Variants in SPON1 observed in about 807,000 individuals in gnomAD.
SPON1 encodes the protein spondin-1.
In SPON1, 52 loss-of-function variants were observed where a neutral mutation model predicts 111.7. The ratio of observed to expected loss-of-function variants is 0.47; its 90% CI spans 0.37 to 0.59. SPON1 has a LOEUF of 0.59. Ranked by LOEUF, SPON1 falls within the 20% of genes least tolerant of loss-of-function variation. The pLI is 0.00. For synonymous variants in SPON1, 410 were observed against 395.8 expected (o/e 1.04, Z -0.43); for missense variants, 957 against 1,068.5 (o/e 0.90, Z 1.46).
In SPON1 at chr11:14,265,540, A is replaced by G. The variant is rs536626564; in HGVS notation, c.2277A>G (p.Pro759=). 3.8e-5 allele frequency: 62 copies of G among 1,613,444 alleles called. No homozygotes were observed. The East Asian group carries it at 1.0e-3, about 26-fold the overall frequency. The change falls in exon 16 of 16, where the codon CCA becomes CCG. Residue 759 remains proline, a synonymous_variant. Coordinates refer to ENST00000576479, the MANE Select transcript of SPON1 (RefSeq NM_006108.4). ...TGCTTTCAGGTTGTAGGATGCGCCC[A>G]TGGACGGCCTGGTCAGAATGCACCA... ...GEQFPGCRMR[P]WTAWSECTKL...
chr11:13,986,726 CCG>C (rs2133783957), intron 2 of SPON1, among the ~76,000 whole-genome samples: 1 of 152,182 alleles, frequency 6.6e-6, no homozygotes, highest in East Asian at 1.9e-4. Context: ...CCCCGACCCC[CCG>C]ACAGACCCTG....
rs571515497 is a variant in SPON1 at position 13,969,085 on chromosome 11, A to C, written c.238+5943A>C. ...CATATAAACTGATGTTCCTGCTAAG[A>C]ATCAGCAGAGGAAGCCAGATGCAGT... On this transcript the variant is annotated intron_variant, in intron 1 of 15. Transcript: ENST00000576479. Among the ~76,000 whole-genome samples the C allele has an allele frequency of 4.6e-5, 7 of 152,270 alleles. No homozygotes were observed. The South Asian group carries it at 1.5e-3, about 32-fold the overall frequency.
intron 6 of SPON1, among the ~76,000 whole-genome samples, chr11:14,160,798 ATTTTTATATATATTTTTATATATAT>A (rs1847925958): frequency 5.8e-5 from 2 of 34,448 alleles, no homozygotes; most frequent in African/African-American, 2.0e-4. Flanking sequence ...ATATTTATAT[ATTTTTATATATATTTTTATATATAT>A]TTTATATATA....
intron 2 of SPON1, among the ~76,000 whole-genome samples, chr11:14,001,432 C>T (rs535081955): frequency 7.2e-5 from 11 of 152,240 alleles, no homozygotes; most frequent in African/African-American, 2.4e-4. Flanking sequence ...AAGGTCTGCC[C>T]TCAAGGAAAC....
At chr11:14,255,926 T>A in intron 9 of SPON1, 139 bp downstream of exon 9, 2 of 883,566 alleles carry the variant, frequency 2.3e-6, no homozygotes, top group Non-Finnish European at 1.7e-6. Context: ...CTCCCCAGGT[T>A]TCTAACATGC....
chr11:14,127,639 G>C (rs1428105824), intron 5 of SPON1, among the ~76,000 whole-genome samples: 1 of 152,222 alleles, frequency 6.6e-6, no homozygotes, highest in East Asian at 1.9e-4. Flanking sequence ...AACTGAATGA[G>C]AATAGCATCT....
At chr11:14,256,788 T>TCAAAGCACATGGTTTATG in intron 10 of SPON1, 96 bp downstream of exon 10, 1 of 909,014 alleles carries the variant, frequency 1.1e-6, no homozygotes, top group African/African-American at 1.7e-5. Context: ...ATAAACCATG[T>TCAAAGCACATGGTTTATG]GCTTTGACTT....
intron 6 of SPON1, among the ~76,000 whole-genome samples, chr11:14,161,257 ATATTTATATATCTG>A: frequency 8.3e-6 from 1 of 120,678 alleles, no homozygotes; most frequent in Admixed American, 1.1e-4. Context: ...ATATATTTAT[ATATTTATATATCTG>A]TATATCTATA....
At chr11:13,967,318 T>G (rs1848025308) in intron 1 of SPON1, among the ~76,000 whole-genome samples, 1 of 152,208 alleles carries the variant, frequency 6.6e-6, no homozygotes, top group South Asian at 2.1e-4. Flanking sequence ...AGATAGTAAC[T>G]GACATCTCTC....
intron 6 of SPON1, among the ~76,000 whole-genome samples, chr11:14,161,099 T>C (rs1246825060): frequency 1.5e-5 from 1 of 67,664 alleles, no homozygotes; most frequent in African/African-American, 6.0e-5. Flanking sequence ...TATATCTATA[T>C]ATTTTATATA....
chr11:14,174,927 C>T (rs1406478790), intron 6 of SPON1, among the ~76,000 whole-genome samples: 2 of 151,380 alleles, frequency 1.3e-5, no homozygotes, highest in African/African-American at 4.9e-5. Context: ...AGGTAACCTC[C>T]TAGGTGCTTC....
At chr11:14,244,040 G>A (rs1369889777) in intron 7 of SPON1, among the ~76,000 whole-genome samples, 1 of 152,194 alleles carries the variant, frequency 6.6e-6, no homozygotes, top group Non-Finnish European at 1.5e-5. Context: ...AATATTGAAA[G>A]TACAGTGAGT....
intron 1 of SPON1, among the ~76,000 whole-genome samples, chr11:13,965,832 G>A (rs569329947): frequency 6.6e-6 from 1 of 152,156 alleles, no homozygotes; most frequent in Non-Finnish European, 1.5e-5. Context: ...TCTGCTCATT[G>A]TCCTGACTTA....
intron 6 of SPON1, among the ~76,000 whole-genome samples, chr11:14,212,324 T>C (rs1848585288): frequency 6.6e-6 from 1 of 152,186 alleles, no homozygotes. Flanking sequence ...AATTTCTACC[T>C]CCATTACTGC....
intron 6 of SPON1, among the ~76,000 whole-genome samples, chr11:14,210,546 C>T (rs1389780981): frequency 1.3e-5 from 2 of 151,994 alleles, no homozygotes; most frequent in African/African-American, 4.8e-5. Context: ...CTTACAGGCA[C>T]AAGCCACCAT....
intron 3 of SPON1, among the ~76,000 whole-genome samples, chr11:14,053,834 C>T (rs1848725221): frequency 1.3e-5 from 2 of 152,184 alleles, no homozygotes. Flanking sequence ...GATCTTTGGA[C>T]ACCCAGTGTG....
At chr11:14,248,769 G>A (rs547611525) in intron 7 of SPON1, among the ~76,000 whole-genome samples, 1 of 152,280 alleles carries the variant, frequency 6.6e-6, no homozygotes, top group East Asian at 1.9e-4. Flanking sequence ...TACTTTGCAA[G>A]GTCCTGCCCG....
Position 14,073,523 on chromosome 11 carries a change from G to A in SPON1, c.480-1822G>A, listed in dbSNP as rs7115291. ...TCCCCTCCTGAAGAACTTTATAAGG[G>A]ATGCCCTCTCCCTGTCTCCTCCCTT... On this transcript the variant is annotated intron_variant, in intron 3 of 15. Transcript: ENST00000576479. Among the ~76,000 whole-genome samples the A allele has an allele frequency of 3.9e-3, 598 of 152,204 alleles. 2 individuals carry two copies. The highest frequency in any genetic ancestry group is 6.9e-3 in the Non-Finnish European group (472 of 68,020).
intron 6 of SPON1, among the ~76,000 whole-genome samples, chr11:14,217,619 C>T (rs374404878): frequency 6.6e-6 from 1 of 151,038 alleles, no homozygotes. Flanking sequence ...TTATTGAAGA[C>T]AGTATGTCAG....
Sources: gnomAD v4.1 joint callset for allele counts (sites outside exome capture counted in the v4.1 genomes callset) on GRCh38, gnomAD v4.1.1 for gene constraint, MANE v1.5 for transcripts, NCBI Gene and HGNC (gene_info 2026-07-23, HGNC 2026-07-21) for gene names.